GPM6A: variants seen among roughly 807,000 people sequenced by gnomAD.
GPM6A encodes neuronal membrane glycoprotein M6-a.
In GPM6A, 7 loss-of-function variants were observed where a neutral mutation model predicts 32.1. The observed-to-expected ratio is 0.22, with a 90% CI of 0.12 to 0.41. The LOEUF is 0.41. Ranked by LOEUF, GPM6A falls within the 10% of genes least tolerant of loss-of-function variation. The pLI is 1.00. For missense variants in GPM6A, 235 were observed against 347.2 expected (o/e 0.68, Z 2.57); for synonymous variants, 130 against 123.4 (o/e 1.05, Z -0.35).
At chr4:175,868,558 C>T (rs1736810182) in intron 1 of GPM6A, among the ~76,000 whole-genome samples, 1 of 151,936 alleles carries the variant, frequency 6.6e-6, no homozygotes, top group African/African-American at 2.4e-5. Flanking sequence ...CAATTTTTTT[C>T]TTGTATTTTC....
At chr4:175,720,496 G>A (rs1012912588) in intron 1 of GPM6A, among the ~76,000 whole-genome samples, 1 of 152,132 alleles carries the variant, frequency 6.6e-6, no homozygotes, top group African/African-American at 2.4e-5. Flanking sequence ...TCTAGAATAT[G>A]CTTTACACTG....
At chr4:175,914,745 G>T (rs1327966064) in intron 1 of GPM6A, among the ~76,000 whole-genome samples, 1 of 152,108 alleles carries the variant, frequency 6.6e-6, no homozygotes, top group African/African-American at 2.4e-5. Flanking sequence ...AGCGAGGGGG[G>T]GCCACTTGGG....
At chr4:175,855,258 ATAGT>A (rs558482276) in intron 1 of GPM6A, among the ~76,000 whole-genome samples, 69 of 152,348 alleles carry the variant, frequency 4.5e-4, no homozygotes, top group African/African-American at 1.6e-3. Flanking sequence ...ACTAAATATG[ATAGT>A]TAGCAGGCAA....
intron 1 of GPM6A, among the ~76,000 whole-genome samples, chr4:175,739,844 G>A (rs558771921): frequency 1.2e-4 from 18 of 151,936 alleles, no homozygotes; most frequent in South Asian, 4.2e-4. Context: ...AGAAGTTAAC[G>A]TTTAGAAATT....
intron 3 of GPM6A, among the ~76,000 whole-genome samples, chr4:175,659,005 T>C (rs2110939592): frequency 6.6e-6 from 1 of 152,218 alleles, no homozygotes; most frequent in South Asian, 2.1e-4. Flanking sequence ...GTGTAAGGGC[T>C]GAAAATATGT....
chr4:175,787,443 T>G, intron 1 of GPM6A: 1 of 1,510,046 alleles, frequency 6.6e-7, no homozygotes, highest in Non-Finnish European at 8.8e-7. Flanking sequence ...AATTTAACAT[T>G]CTGTTTCGTG....
At chr4:175,792,030 T>C (rs928006460) in intron 1 of GPM6A, among the ~76,000 whole-genome samples, 2 of 152,178 alleles carry the variant, frequency 1.3e-5, no homozygotes, top group Non-Finnish European at 2.9e-5. Context: ...AAATTAGCAT[T>C]GACATAAAAG....
At chr4:175,789,190 G>A (rs1465991023) in intron 1 of GPM6A, among the ~76,000 whole-genome samples, 2 of 152,112 alleles carry the variant, frequency 1.3e-5, no homozygotes. Flanking sequence ...TTTTAAAAGT[G>A]CTATAATGAA....
chr4:175,660,251 A>C (rs1271004798), intron 3 of GPM6A, among the ~76,000 whole-genome samples: 8 of 151,968 alleles, frequency 5.3e-5, no homozygotes, highest in African/African-American at 1.4e-4. Context: ...TACAAAAATT[A>C]GCCGGGCATG....
intron 1 of GPM6A, among the ~76,000 whole-genome samples, chr4:175,921,814 T>C (rs967446895): frequency 9.9e-5 from 15 of 152,168 alleles, no homozygotes; most frequent in African/African-American, 3.6e-4. Context: ...GAGTGTACCA[T>C]ATTTCCAAAA....
intron 1 of GPM6A, among the ~76,000 whole-genome samples, chr4:175,788,937 TGAAAATGAAACAC>T (rs1733904438): frequency 6.6e-6 from 1 of 152,154 alleles, no homozygotes; most frequent in African/African-American, 2.4e-5. Context: ...ATGAGGAATA[TGAAAATGAAACAC>T]TGCTGGTTTC....
chr4:175,935,564 A>G (rs982854913), intron 1 of GPM6A, among the ~76,000 whole-genome samples: 1 of 152,210 alleles, frequency 6.6e-6, no homozygotes, highest in Non-Finnish European at 1.5e-5. Context: ...ATTTAAAAAA[A>G]TCCCCATTTT....
intron 1 of GPM6A, among the ~76,000 whole-genome samples, chr4:175,916,638 C>A (rs1495714): frequency 0.55 from 83,524 of 152,048 alleles, 27,040 homozygotes; most frequent in Non-Finnish European, 0.7. Flanking sequence ...ACCCAGGAGG[C>A]TGGCCTGAAG....
At position 175,636,295 on chromosome 4, in the gene GPM6A, T is replaced by TATAC. The variant is rs1553967494; in HGVS notation, c.685-1242_685-1239dup. ...ATATATATATATATATATATATATA[T>TATAC]ATACATATATATATGGATTAAATAA... On this transcript the variant is annotated intron_variant, in intron 6 of 6. Coordinates refer to ENST00000393658, the MANE Select transcript of GPM6A (RefSeq NM_201591.3). Among the ~76,000 whole-genome samples the TATAC allele has an allele frequency of 6.6e-3, 886 of 133,374 alleles. 9 individuals are homozygous for TATAC. The highest frequency in any genetic ancestry group is 0.011 in the Non-Finnish European group (705 of 63,136). The allele number at this position is 133,374 out of a possible 152,430, so 87.5% of individuals were successfully genotyped here.
chr4:175,946,937 T>G (rs1023128753), intron 1 of GPM6A, among the ~76,000 whole-genome samples: 1 of 152,102 alleles, frequency 6.6e-6, no homozygotes, highest in Admixed American at 6.6e-5. Flanking sequence ...AAACTGGAGA[T>G]TACTGCTGTA....
intron 3 of GPM6A, among the ~76,000 whole-genome samples, chr4:175,658,259 G>A (rs1742197842): frequency 6.6e-6 from 1 of 150,896 alleles, no homozygotes; most frequent in Non-Finnish European, 1.5e-5. Context: ...GAGCTATCAA[G>A]CTATGAAAAG....
At chr4:175,754,121 G>C (rs1448896839) in intron 1 of GPM6A, among the ~76,000 whole-genome samples, 1 of 152,060 alleles carries the variant, frequency 6.6e-6, no homozygotes, top group African/African-American at 2.4e-5. Context: ...ATATTTCAAT[G>C]ACTTCTTAGT....
chr4:175,787,424 T>G lies in GPM6A; in HGVS notation c.37+24767A>C. ...CCTTGATTCAAGGGCATAAGCTCTCTCCTGTGACAATTTAACATTCTGTTT... is the reference window on the plus strand; with the variant it reads ...CCTTGATTCAAGGGCATAAGCTCTCGCCTGTGACAATTTAACATTCTGTTT... On this transcript the variant is annotated intron_variant, in intron 1 of 6. Coordinates refer to ENST00000393658, the MANE Select transcript of GPM6A (RefSeq NM_201591.3). 2.0e-6 allele frequency: 3 copies of G among 1,521,194 alleles called. No homozygotes were observed. The South Asian group carries it at 3.7e-5, about 19-fold the overall frequency. The allele number at this position is 1,521,194 out of a possible 1,614,324, so 94.2% of individuals were successfully genotyped here. A position where few individuals can be genotyped will look rare whatever the true frequency, so the allele number is the denominator to read the frequency against.
chr4:175,637,674 A>ATAAT (rs1491248017), intron 6 of GPM6A, among the ~76,000 whole-genome samples: 12 of 5,312 alleles, frequency 2.3e-3, no homozygotes, highest in Admixed American at 9.5e-3. Flanking sequence ...TAATATATAT[A>ATAAT]ATATATATAT....
Sources: gnomAD v4.1 joint callset for allele counts (sites outside exome capture counted in the v4.1 genomes callset) on GRCh38, gnomAD v4.1.1 for gene constraint, MANE v1.5 for transcripts, NCBI Gene and HGNC (gene_info 2026-07-23, HGNC 2026-07-21) for gene names.